The following CDH8 variants were observed in gnomAD, a reference collection of about 807,000 sequenced individuals.
CDH8 encodes cadherin-8.
Under a neutral mutation model 68.1 loss-of-function variants are expected in CDH8, and 17 were observed. That is an observed-to-expected ratio of 0.25 (90% CI 0.17 to 0.37). The LOEUF (loss-of-function observed/expected upper bound fraction) is 0.37, where lower values mean the gene tolerates loss of function less well. Among genes scored for constraint, CDH8 ranks in the 10% least tolerant of loss-of-function variants. The probability of loss-of-function intolerance (pLI) is 1.00; values close to 1 mark genes in which losing one functional copy is unlikely to be tolerated. For synonymous variants in CDH8, 372 were observed against 365.1 expected (o/e 1.02, Z -0.21); for missense variants, 763 against 999.3 (o/e 0.76, Z 3.19).
chr16:61,962,593 A>T, intron 2 of CDH8, among the ~76,000 whole-genome samples: 1 of 152,184 alleles, frequency 6.6e-6, no homozygotes, highest in Non-Finnish European at 1.5e-5. Context: ...ATACAGCAGG[A>T]GTTAATGAGC....
chr16:61,937,435 T>C (rs1384335706), intron 2 of CDH8, among the ~76,000 whole-genome samples: 3 of 152,094 alleles, frequency 2.0e-5, no homozygotes, highest in African/African-American at 7.2e-5. Flanking sequence ...GAGATACAAT[T>C]CAATTGAGAG....
intron 4 of CDH8, among the ~76,000 whole-genome samples, chr16:61,840,068 T>C (rs1962649830): frequency 6.6e-6 from 1 of 152,162 alleles, no homozygotes; most frequent in Non-Finnish European, 1.5e-5. Flanking sequence ...CACACTAAAA[T>C]ACATGACTAA....
intron 8 of CDH8, among the ~76,000 whole-genome samples, chr16:61,728,446 T>G (rs1422150310): frequency 6.6e-6 from 1 of 151,092 alleles, no homozygotes; most frequent in Non-Finnish European, 1.5e-5. Flanking sequence ...GAGGGATTAA[T>G]GGAACTTGAC....
intron 2 of CDH8, among the ~76,000 whole-genome samples, chr16:61,997,774 A>G (rs1035329191): frequency 3.3e-5 from 5 of 152,168 alleles, no homozygotes; most frequent in African/African-American, 1.2e-4. Context: ...TTTTGTTAAA[A>G]ACGCCTAACT....
chr16:62,016,111 C>T (rs1901933963), intron 2 of CDH8, among the ~76,000 whole-genome samples: 1 of 152,150 alleles, frequency 6.6e-6, no homozygotes, highest in Non-Finnish European at 1.5e-5. Context: ...TAATGCATAT[C>T]AGCTTCCAGG....
At chr16:61,763,694 G>A (rs2142975186) in intron 8 of CDH8, among the ~76,000 whole-genome samples, 1 of 152,134 alleles carries the variant, frequency 6.6e-6, no homozygotes, top group South Asian at 2.1e-4. Context: ...TTTAACTTCA[G>A]GAAAATAGCA....
chr16:61,736,463 T>A (rs946509533), intron 8 of CDH8, among the ~76,000 whole-genome samples: 13 of 152,224 alleles, frequency 8.5e-5, no homozygotes, highest in African/African-American at 2.9e-4. Flanking sequence ...ATGTTTCATT[T>A]TGTTTAGCCC....
intron 10 of CDH8, among the ~76,000 whole-genome samples, chr16:61,697,721 C>T (rs1371576799): frequency 3.3e-5 from 5 of 152,132 alleles, no homozygotes; most frequent in Non-Finnish European, 5.9e-5. Flanking sequence ...GAACTCATGG[C>T]CTCAAGTGAT....
intron 7 of CDH8, among the ~76,000 whole-genome samples, chr16:61,814,671 AAATAATGCATAGCTATGTGTTACCC>A (rs1265982201): frequency 6.6e-6 from 1 of 152,156 alleles, no homozygotes; most frequent in Non-Finnish European, 1.5e-5. Flanking sequence ...CCTAAAGAGA[AAATAATGCATAGCTATGTGTTACCC>A]AATAATTCCC....
chr16:61,700,281 T>G (rs1005035843), intron 10 of CDH8, among the ~76,000 whole-genome samples: 6 of 151,274 alleles, frequency 4.0e-5, no homozygotes, highest in African/African-American at 7.3e-5. Flanking sequence ...TTTAGTTGTT[T>G]TTTTTTTTTT....
At chr16:61,811,110 A>T (rs184876690) in intron 7 of CDH8, among the ~76,000 whole-genome samples, 1 of 151,788 alleles carries the variant, frequency 6.6e-6, no homozygotes, top group Non-Finnish European at 1.5e-5. Flanking sequence ...CCTCTGTATT[A>T]TAGGCTCACA....
intron 10 of CDH8, among the ~76,000 whole-genome samples, chr16:61,694,812 C>T (rs1051697037): frequency 1.3e-5 from 2 of 151,986 alleles, no homozygotes; most frequent in Admixed American, 6.6e-5. Flanking sequence ...GACAGAGTCT[C>T]GCTCTGTCAC....
Position 62,021,132 on chromosome 16 carries a change from A to G in CDH8, c.252+20T>C. The G allele has an allele frequency of 6.2e-7, 1 of 1,609,006 alleles. No homozygotes were observed. On this transcript the variant is annotated intron_variant, in intron 2 of 11. Coordinates refer to ENST00000577390, the MANE Select transcript of CDH8 (RefSeq NM_001796.5). ...ACCACTAACAGACCCTGAAATTGAG[A>G]TCTTAAAAACAAAGCTTACCCGGCC... is the stretch of plus-strand genomic sequence containing the variant.
intron 3 of CDH8, among the ~76,000 whole-genome samples, chr16:61,897,355 T>A (rs142501492): frequency 6.6e-6 from 1 of 151,906 alleles, no homozygotes; most frequent in African/African-American, 2.4e-5. Context: ...CAGGTTCAAG[T>A]GAACCCCCTG....
intron 8 of CDH8, among the ~76,000 whole-genome samples, chr16:61,781,316 A>T (rs1425827913): frequency 6.6e-6 from 1 of 152,218 alleles, no homozygotes; most frequent in African/African-American, 2.4e-5. Flanking sequence ...ATCTTATTTT[A>T]AAAAGGTGGC....
intron 7 of CDH8, among the ~76,000 whole-genome samples, chr16:61,803,811 T>C (rs1302007945): frequency 5.9e-5 from 8 of 135,074 alleles, no homozygotes; most frequent in South Asian, 2.4e-4. Flanking sequence ...CACCAAGATT[T>C]ATAAAGCAAG....
chr16:61,981,770 C>A (rs1183877903), intron 2 of CDH8, among the ~76,000 whole-genome samples: 1 of 151,918 alleles, frequency 6.6e-6, no homozygotes, highest in Non-Finnish European at 1.5e-5. Flanking sequence ...TCTCTGCATC[C>A]AGGAAATGGA....
In CDH8 at chr16:61,675,626, A is replaced by AT. The variant is rs1476737490; in HGVS notation, c.1655-19906dup. ...AAAAAAAATAAAAAAAATAAAAAAA[A>AT]TAAAAAAAAATAAAAATAGTGTTAT... On this transcript the variant is annotated intron_variant, in intron 10 of 11. Transcript: ENST00000577390. Among the ~76,000 whole-genome samples, 8 of 65,450 alleles carry AT rather than the reference A, an allele frequency of 1.2e-4. 1 individual carries two copies. Among genetic ancestry groups the AT allele is most frequent in the African/African-American group, 7.5e-4 (6 of 8,050 alleles). 42.9% of individuals were successfully genotyped at this position (65,450 alleles called of 152,430 possible).
chr16:61,973,709 G>A (rs1490078596), intron 2 of CDH8, among the ~76,000 whole-genome samples: 2 of 152,194 alleles, frequency 1.3e-5, no homozygotes, highest in African/African-American at 2.4e-5. Context: ...ATAAACCAGA[G>A]ATGTCATATC....
Sources: gnomAD v4.1 joint callset for allele counts (sites outside exome capture counted in the v4.1 genomes callset) on GRCh38, gnomAD v4.1.1 for gene constraint, MANE v1.5 for transcripts, NCBI Gene and HGNC (gene_info 2026-07-23, HGNC 2026-07-21) for gene names.